Variants in IL1RAPL2 observed in about 807,000 individuals in gnomAD.
IL1RAPL2 encodes the protein X-linked interleukin-1 receptor accessory protein-like 2.
A neutral mutation model predicts 44.1 loss-of-function variants in IL1RAPL2; 3 were observed. The ratio of observed to expected loss-of-function variants is 0.07; its 90% CI spans 0.03 to 0.18. IL1RAPL2 has a LOEUF of 0.18. IL1RAPL2 is among the 10% of genes least tolerant of loss of function. The pLI is 1.00. For missense variants in IL1RAPL2, 391 were observed against 496.4 expected, an observed-to-expected ratio of 0.79 and a Z score of 2.02; for synonymous variants, 181 against 178.8, an observed-to-expected ratio of 1.01 and a Z score of -0.10.
At chrX:104,929,229 T>C in intron 2 of IL1RAPL2, among the ~76,000 whole-genome samples, 1 of 111,801 alleles carries the variant, frequency 8.9e-6, no homozygotes, top group Non-Finnish European at 1.9e-5. Context: ...CTTGTGATTA[T>C]AACAATTTGG....
chrX:105,397,921 T>C (rs1251001077), intron 5 of IL1RAPL2, among the ~76,000 whole-genome samples: 1 of 110,991 alleles, frequency 9.0e-6, no homozygotes, highest in Non-Finnish European at 1.9e-5. Flanking sequence ...TCTCTTCTCT[T>C]GTCACTGTAT....
chrX:105,555,076 GT>G (rs762609819), intron 6 of IL1RAPL2, among the ~76,000 whole-genome samples: 1,654 of 82,904 alleles, frequency 0.02, 24 homozygotes, highest in African/African-American at 0.053. Context: ...TCTGGTAGTT[GT>G]TTTTTTTTTT....
In IL1RAPL2 at chrX:105,054,067, G is replaced by A. The variant is rs180911006; in HGVS notation, c.83-141408G>A. Among the ~76,000 whole-genome samples, 188 of 111,378 alleles carry A rather than the reference G, an allele frequency of 1.7e-3. 1 individual carries two copies. The highest frequency in any genetic ancestry group is 5.9e-3 in the African/African-American group (180 of 30,656). On this transcript the variant is annotated intron_variant, in intron 2 of 10. Coordinates refer to ENST00000372582, the MANE Select transcript of IL1RAPL2 (RefSeq NM_017416.2). ...CCACTGATTACAGTCCTGGGTGGCA[G>A]GTGGCCAGAGCCTATTCTGGCAGTT...
chrX:105,070,085 T>C (rs2032186587), intron 2 of IL1RAPL2, among the ~76,000 whole-genome samples: 1 of 112,065 alleles, frequency 8.9e-6, no homozygotes, highest in Non-Finnish European at 1.9e-5. Flanking sequence ...ATTTTGCTCA[T>C]TGTAGAATAG....
In IL1RAPL2 at chrX:104,658,980, T is replaced by G; in HGVS notation, c.67T>G (p.Ser23Ala). 7 of 1,202,344 alleles carry G rather than the reference T, an allele frequency of 5.8e-6. No homozygotes were observed. The highest frequency in any genetic ancestry group is 7.9e-6 in the Non-Finnish European group (7 of 888,527). The change falls in exon 2 of 11, where the codon TCA (serine) becomes GCA (alanine). Residue 23 changes from serine (S) to alanine (A), a missense_variant. Ser to Ala is a moderately conservative substitution (Grantham distance 99). This residue lies in a region of IL1RAPL2 where 159 missense variants were observed against 251.7 expected (regional missense o/e 0.63). Coordinates refer to ENST00000372582, the MANE Select transcript of IL1RAPL2 (RefSeq NM_017416.2). Reference sequence around the variant, plus strand: ...AGTCAGCACAAATCTGAAGATGGTGTCAAAGAGAAATTCTGGTAAGTTGCT... The same window carrying G: ...AGTCAGCACAAATCTGAAGATGGTGGCAAAGAGAAATTCTGGTAAGTTGCT... ...SVVSTNLKMV[S>A]KRNSVDGCID...
chrX:104,689,005 C>T lies in IL1RAPL2; in HGVS notation c.82+30010C>T, dbSNP rs771771460. Among the ~76,000 whole-genome samples the T allele has an allele frequency of 1.0e-3, 115 of 111,322 alleles. 1 individual carries two copies. Among genetic ancestry groups the T allele is most frequent in the African/African-American group, 3.3e-3 (102 of 30,586 alleles). The stretch of plus-strand genomic sequence containing the variant: ...GGCCATGAAGTCTAAGCCCAATGTG[C>T]GCCTAGTACCATCTGACCTTCAAAG... On this transcript the variant is annotated intron_variant, in intron 2 of 10. Coordinates refer to ENST00000372582, the MANE Select transcript of IL1RAPL2 (RefSeq NM_017416.2).
At chrX:105,395,737 A>C (rs1412485270) in intron 5 of IL1RAPL2, among the ~76,000 whole-genome samples, 1 of 111,949 alleles carries the variant, frequency 8.9e-6, no homozygotes, top group Non-Finnish European at 1.9e-5. Flanking sequence ...CCACCCACCC[A>C]GTTTTTTAAG....
chrX:105,743,829 AAAG>A (rs920637676), intron 8 of IL1RAPL2, among the ~76,000 whole-genome samples: 11 of 112,376 alleles, frequency 9.8e-5, no homozygotes, highest in Non-Finnish European at 1.7e-4. Context: ...GGATTGATAA[AAAG>A]AAGATTTGAT....
At chrX:104,631,171 T>G (rs1363903641) in intron 1 of IL1RAPL2, among the ~76,000 whole-genome samples, 6 of 111,922 alleles carry the variant, frequency 5.4e-5, no homozygotes, top group Non-Finnish European at 1.9e-5. Context: ...CATGAACTCA[T>G]CCTTTTTTAT....
At position 105,090,129 on chromosome X, in the gene IL1RAPL2, A is replaced by G. The variant is rs1320444435; in HGVS notation, c.83-105346A>G. The stretch of plus-strand genomic sequence containing the variant: ...TTAGTCAAACATCCGAGTACATAAT[A>G]TCTAGGCTTCTTATTCTCCTTGACA... On this transcript the variant is annotated intron_variant, in intron 2 of 10. Transcript: ENST00000372582. Among the ~76,000 whole-genome samples, 5 of 111,357 alleles carry G rather than the reference A, an allele frequency of 4.5e-5. No homozygotes were observed. In the South Asian group the frequency reaches 1.9e-3, roughly 42 times the overall value.
intron 6 of IL1RAPL2, among the ~76,000 whole-genome samples, chrX:105,653,783 G>A (rs1469997798): frequency 1.8e-5 from 2 of 111,506 alleles, no homozygotes; most frequent in Non-Finnish European, 3.8e-5. Flanking sequence ...AAATTGTTTT[G>A]ACTTAAAAGA....
chrX:105,268,153 A>G (rs753963219), intron 5 of IL1RAPL2, among the ~76,000 whole-genome samples: 1 of 111,794 alleles, frequency 8.9e-6, no homozygotes, highest in Non-Finnish European at 1.9e-5. Flanking sequence ...GAGACATAAG[A>G]CAGAATCTAA....
At chrX:105,064,438 CT>C (rs780494117) in intron 2 of IL1RAPL2, among the ~76,000 whole-genome samples, 2 of 111,706 alleles carry the variant, frequency 1.8e-5, no homozygotes, top group East Asian at 2.9e-4. Context: ...TACGAAGATG[CT>C]TTTTTTGTGT....
chrX:104,643,614 A>T (rs1362592188), intron 1 of IL1RAPL2, among the ~76,000 whole-genome samples: 1 of 111,190 alleles, frequency 9.0e-6, no homozygotes, highest in African/African-American at 3.3e-5. Context: ...GAGGCAGCAG[A>T]TTCCTGGTTT....
intron 2 of IL1RAPL2, among the ~76,000 whole-genome samples, chrX:105,038,037 G>A (rs1267572002): frequency 1.8e-5 from 2 of 111,527 alleles, no homozygotes; most frequent in African/African-American, 6.5e-5. Context: ...TCATGACCGT[G>A]AGACAGAGAA....
chrX:104,805,626 T>C (rs1932917084), intron 2 of IL1RAPL2, among the ~76,000 whole-genome samples: 1 of 112,070 alleles, frequency 8.9e-6, no homozygotes, highest in African/African-American at 3.2e-5. Context: ...ATCTCTAAAG[T>C]TCTTATAGCA....
intron 2 of IL1RAPL2, among the ~76,000 whole-genome samples, chrX:104,687,499 C>T (rs1322718976): frequency 9.0e-6 from 1 of 111,433 alleles, no homozygotes; most frequent in Non-Finnish European, 1.9e-5. Flanking sequence ...ATCTAAACAC[C>T]TCCCACCAGG....
At chrX:104,870,788 T>C (rs907836239) in intron 2 of IL1RAPL2, among the ~76,000 whole-genome samples, 63 of 111,811 alleles carry the variant, frequency 5.6e-4, no homozygotes, top group African/African-American at 2.0e-3. Flanking sequence ...TAAAAGAAAA[T>C]TGTCTTCAGG....
chrX:105,646,914 G>A (rs1417028092), intron 6 of IL1RAPL2, among the ~76,000 whole-genome samples: 1 of 112,420 alleles, frequency 8.9e-6, no homozygotes, highest in African/African-American at 3.2e-5. Context: ...TGCTCCCAAA[G>A]CTCCCAAGAT....
Sources: gnomAD v4.1 joint callset for allele counts (sites outside exome capture counted in the v4.1 genomes callset) on GRCh38, gnomAD v4.1.1 for gene constraint, gnomAD v4.1.1 regional missense constraint, MANE v1.5 for transcripts, NCBI Gene and HGNC (gene_info 2026-07-23, HGNC 2026-07-21) for gene names.